The following RBFOX1 variants were observed in gnomAD, a reference collection of about 807,000 sequenced individuals.
The protein encoded by RBFOX1 is RNA binding protein fox-1 homolog 1.
RBFOX1 carries 8 observed loss-of-function variants against 57.7 expected under a neutral mutation model. The ratio of observed to expected loss-of-function variants is 0.14; its 90% confidence interval spans 0.08 to 0.25. The LOEUF (loss-of-function observed/expected upper bound fraction) is 0.25, where lower values mean the gene tolerates loss of function less well. Ranked by LOEUF, RBFOX1 falls within the 10% of genes least tolerant of loss-of-function variation. The probability of loss-of-function intolerance (pLI) is 1.00; values close to 1 mark genes in which losing one functional copy is unlikely to be tolerated. For missense variants in RBFOX1, 611 were observed against 548.5 expected (o/e 1.11, Z -1.14); for synonymous variants, 326 against 222.4 (o/e 1.47, Z -4.15).
chr16:5,395,121 G>C (rs551317433), intron 1 of RBFOX1, among the ~76,000 whole-genome samples: 1 of 152,150 alleles, frequency 6.6e-6, no homozygotes, highest in South Asian at 2.1e-4. Context: ...TTAGGTTTCA[G>C]CCACAGGGAA....
rs537093111 is a variant in RBFOX1, at chr16:6,910,686, C to G, written c.-15-141371C>G. Among the ~76,000 whole-genome samples the G allele has an allele frequency of 1.5e-4, 23 of 152,268 alleles. No homozygotes were observed. The South Asian group carries it at 3.1e-3, about 21-fold the overall frequency. Reference sequence around the variant, plus strand: ...TTACGAGGCTCGTGGCCCTTCTCAGCTTCAAAGCCAGCAGTGTGACTCTAA... The same window carrying G: ...TTACGAGGCTCGTGGCCCTTCTCAGGTTCAAAGCCAGCAGTGTGACTCTAA... On this transcript the variant is annotated intron_variant, in intron 3 of 15. Coordinates refer to ENST00000550418, the MANE Select transcript of RBFOX1 (RefSeq NM_018723.4).
At chr16:6,020,087 A>C (rs1052745438) in intron 1 of RBFOX1, 95 bp downstream of exon 1, 2 of 1,294,670 alleles carry the variant, frequency 1.5e-6, no homozygotes, top group Non-Finnish European at 2.0e-6. Flanking sequence ...GTCCCCGAGA[A>C]CTGGCCTCCT....
At chr16:7,121,712 A>G (rs891387507) in intron 4 of RBFOX1, among the ~76,000 whole-genome samples, 1 of 151,964 alleles carries the variant, frequency 6.6e-6, no homozygotes, top group African/African-American at 2.4e-5. Context: ...TAAAAATTAT[A>G]AGGAAAAACA....
chr16:6,029,497 G>A (rs1026016075), intron 1 of RBFOX1, among the ~76,000 whole-genome samples: 1 of 152,184 alleles, frequency 6.6e-6, no homozygotes, highest in Non-Finnish European at 1.5e-5. Flanking sequence ...AACATGGCCG[G>A]GCGTGGTGGC....
intron 1 of RBFOX1, among the ~76,000 whole-genome samples, chr16:5,269,401 A>G (rs1446742825): frequency 6.6e-6 from 1 of 152,284 alleles, no homozygotes; most frequent in Non-Finnish European, 1.5e-5. Flanking sequence ...GCACAGGTCC[A>G]CACAAAAACT....
chr16:7,054,033 A>C (rs2153733614), intron 4 of RBFOX1, among the ~76,000 whole-genome samples: 1 of 151,864 alleles, frequency 6.6e-6, no homozygotes, highest in Non-Finnish European at 1.5e-5. Flanking sequence ...AGTGTGATTA[A>C]GTACTGGTAG....
intron 2 of RBFOX1, among the ~76,000 whole-genome samples, chr16:6,643,488 T>C (rs894239243): frequency 1.3e-5 from 2 of 152,204 alleles, no homozygotes; most frequent in African/African-American, 4.8e-5. Context: ...TGAAGAATTC[T>C]GCTGAAAGGC....
At chr16:6,871,223 T>C (rs1490011103) in intron 3 of RBFOX1, among the ~76,000 whole-genome samples, 3 of 152,112 alleles carry the variant, frequency 2.0e-5, no homozygotes, top group Admixed American at 2.0e-4. Context: ...TGTTGCTCTG[T>C]CCCCCAGGCT....
chr16:7,430,461 A>G (rs1280520894), intron 4 of RBFOX1, among the ~76,000 whole-genome samples: 2 of 152,138 alleles, frequency 1.3e-5, no homozygotes, highest in Non-Finnish European at 2.9e-5. Flanking sequence ...GGAAATCAAG[A>G]CCATCCTGGC....
At chr16:6,577,108 C>T (rs777674410) in intron 2 of RBFOX1, 1 of 152,118 alleles carries the variant, frequency 6.6e-6, no homozygotes, top group East Asian at 1.9e-4. Context: ...TGAACATGCA[C>T]CTGACATTGG....
intron 1 of RBFOX1, among the ~76,000 whole-genome samples, chr16:6,063,823 T>C (rs1019635076): frequency 6.6e-6 from 1 of 152,220 alleles, no homozygotes; most frequent in African/African-American, 2.4e-5. Context: ...CACTGGGATG[T>C]AGATGCTTGA....
downstream of RBFOX1, among the ~76,000 whole-genome samples, chr16:5,603,870 C>G (rs1052296896): frequency 6.6e-6 from 1 of 152,204 alleles, no homozygotes; most frequent in African/African-American, 2.4e-5. Flanking sequence ...GGAAGTGATG[C>G]TGTCCAGCGT....
intron 2 of RBFOX1, among the ~76,000 whole-genome samples, chr16:6,538,508 AAAT>A (rs2096765905): frequency 6.6e-6 from 1 of 152,104 alleles, no homozygotes; most frequent in African/African-American, 2.4e-5. Context: ...AAAAAGCAAA[AAAT>A]GCATATGAAA....
chr16:6,509,215 G>A (rs1011020793), intron 2 of RBFOX1, among the ~76,000 whole-genome samples: 1 of 152,104 alleles, frequency 6.6e-6, no homozygotes, highest in Non-Finnish European at 1.5e-5. Context: ...GGGGGGAGCT[G>A]GCCAACAGAT....
intron 2 of RBFOX1, among the ~76,000 whole-genome samples, chr16:6,544,974 G>C (rs1423435350): frequency 6.6e-6 from 1 of 152,154 alleles, no homozygotes; most frequent in Non-Finnish European, 1.5e-5. Flanking sequence ...ATTAAGCATA[G>C]GTTATTCAGT....
At chr16:5,248,463 C>T (rs1379482169) in intron 1 of RBFOX1, among the ~76,000 whole-genome samples, 4 of 152,188 alleles carry the variant, frequency 2.6e-5, no homozygotes, top group African/African-American at 9.7e-5. Flanking sequence ...CCCTTCTATT[C>T]GGCCGCAGCT....
At chr16:6,153,826 A>G (rs1354836427) in intron 1 of RBFOX1, among the ~76,000 whole-genome samples, 1 of 152,168 alleles carries the variant, frequency 6.6e-6, no homozygotes, top group Non-Finnish European at 1.5e-5. Context: ...GTGAGCCACC[A>G]TGCCCGGCCC....
chr16:6,422,360 G>A (rs1462489849), intron 2 of RBFOX1, among the ~76,000 whole-genome samples: 4 of 151,890 alleles, frequency 2.6e-5, no homozygotes, highest in Non-Finnish European at 5.9e-5. Flanking sequence ...AGTGAGTGTA[G>A]TACCCAATAG....
intron 1 of RBFOX1, among the ~76,000 whole-genome samples, chr16:6,179,368 A>C (rs2097043487): frequency 6.6e-6 from 1 of 152,006 alleles, no homozygotes; most frequent in South Asian, 2.1e-4. Flanking sequence ...AGGTGGGGAG[A>C]TTGATGTTTA....
Sources: allele counts gnomAD v4.1 joint callset (sites outside exome capture counted in the v4.1 genomes callset), GRCh38; gene constraint gnomAD v4.1.1; transcripts MANE v1.5; gene names NCBI Gene and HGNC (gene_info 2026-07-23, HGNC 2026-07-21).